The following MSRA variants were observed in gnomAD, a reference collection of about 807,000 sequenced individuals.
The protein encoded by MSRA is methionine sulfoxide reductase A, also known as mitochondrial peptide methionine sulfoxide reductase.
A neutral mutation model predicts 31.3 loss-of-function variants in MSRA; 54 were observed. The observed-to-expected ratio is 1.73, with a 90% CI of 1.39 to 2.17. The LOEUF is 2.17. Ranked by LOEUF, MSRA falls within the 30% of genes most tolerant of loss-of-function variation. The probability of loss-of-function intolerance (pLI) is 0.00; values close to 1 mark genes in which losing one functional copy is unlikely to be tolerated. For synonymous variants in MSRA, 169 were observed against 116.5 expected (o/e 1.45, Z -2.90); for missense variants, 507 against 300.9 (o/e 1.69, Z -5.07).
intron 3 of MSRA, among the ~76,000 whole-genome samples, chr8:10,258,557 T>C (rs1212721935): frequency 6.6e-6 from 1 of 152,210 alleles, no homozygotes; most frequent in Non-Finnish European, 1.5e-5. Flanking sequence ...AATAAGGCCG[T>C]GTCTGAGGAT....
At chr8:10,251,821 G>A (rs775439979) in intron 3 of MSRA, among the ~76,000 whole-genome samples, 1 of 151,018 alleles carries the variant, frequency 6.6e-6, no homozygotes, top group Non-Finnish European at 1.5e-5. Context: ...AGCAAGCTTG[G>A]CTTCTCTACC....
At chr8:10,112,751 G>C in intron 1 of MSRA, among the ~76,000 whole-genome samples, 1 of 152,116 alleles carries the variant, frequency 6.6e-6, no homozygotes, top group East Asian at 1.9e-4. Context: ...GATAGCCATG[G>C]CTTTCTGAGC....
chr8:10,293,529 C>T (rs1406917194), intron 3 of MSRA, among the ~76,000 whole-genome samples: 1 of 152,174 alleles, frequency 6.6e-6, no homozygotes, highest in African/African-American at 2.4e-5. Context: ...CTCAGTCCAG[C>T]CTCCCCCACT....
chr8:10,261,163 G>A (rs868858678), intron 3 of MSRA, among the ~76,000 whole-genome samples: 1 of 152,070 alleles, frequency 6.6e-6, no homozygotes, highest in Admixed American at 6.6e-5. Flanking sequence ...TGATGGTATT[G>A]ATTACCTTTT....
At chr8:10,178,246 A>G (rs1249506808) in intron 1 of MSRA, among the ~76,000 whole-genome samples, 3 of 152,182 alleles carry the variant, frequency 2.0e-5, no homozygotes, top group Non-Finnish European at 4.4e-5. Flanking sequence ...GATTTCGCTT[A>G]GTTTACCATA....
chr8:10,279,005 AT>A (rs1799474265), intron 3 of MSRA, among the ~76,000 whole-genome samples: 1 of 152,110 alleles, frequency 6.6e-6, no homozygotes, highest in Non-Finnish European at 1.5e-5. Context: ...TTGAAAAAAA[AT>A]TGCCCCGTGA....
intron 3 of MSRA, among the ~76,000 whole-genome samples, chr8:10,282,228 A>T (rs997907273): frequency 2.0e-5 from 3 of 152,216 alleles, no homozygotes; most frequent in Admixed American, 6.5e-5. Context: ...GTGCCTGACA[A>T]AGGTAGGATC....
intron 1 of MSRA, among the ~76,000 whole-genome samples, chr8:10,149,225 A>C (rs897658312): frequency 6.6e-6 from 1 of 151,628 alleles, no homozygotes; most frequent in South Asian, 2.1e-4. Flanking sequence ...GGGTTCAAGC[A>C]ATTCTCCTGC....
chr8:10,180,358 C>G (rs926425147), intron 1 of MSRA, among the ~76,000 whole-genome samples: 1 of 152,206 alleles, frequency 6.6e-6, no homozygotes, highest in African/African-American at 2.4e-5. Flanking sequence ...GCTACCCTCC[C>G]TCACAGCACC....
At chr8:10,397,807 C>G (rs1807193231) in intron 5 of MSRA, among the ~76,000 whole-genome samples, 2 of 152,170 alleles carry the variant, frequency 1.3e-5, no homozygotes, top group Non-Finnish European at 2.9e-5. Flanking sequence ...ATTCTGTTTT[C>G]TCATAGTCTC....
intron 1 of MSRA, among the ~76,000 whole-genome samples, chr8:10,172,431 T>G (rs956145384): frequency 6.6e-6 from 1 of 151,712 alleles, no homozygotes; most frequent in Non-Finnish European, 1.5e-5. Context: ...CCAGCTGTGG[T>G]CAGTGGAAGT....
At chr8:10,060,460 AG>A (rs1802648842) in intron 1 of MSRA, among the ~76,000 whole-genome samples, 1 of 152,184 alleles carries the variant, frequency 6.6e-6, no homozygotes, top group Admixed American at 6.5e-5. Flanking sequence ...ATGGCTGAGG[AG>A]GGGGCTGTGT....
chr8:10,149,772 C>G (rs529650109), intron 1 of MSRA, among the ~76,000 whole-genome samples: 1 of 53,316 alleles, frequency 1.9e-5, no homozygotes, highest in East Asian at 7.2e-4. Context: ...TTGGCAGAAA[C>G]CACAAAGGTG....
intron 4 of MSRA, among the ~76,000 whole-genome samples, chr8:10,305,294 G>C (rs1371365190): frequency 6.6e-6 from 1 of 152,060 alleles, no homozygotes; most frequent in East Asian, 1.9e-4. Context: ...GATCTTCATG[G>C]CATAGGCTAA....
chr8:10,322,124 A>G (rs1265128897), intron 5 of MSRA, among the ~76,000 whole-genome samples: 1 of 152,106 alleles, frequency 6.6e-6, no homozygotes, highest in Non-Finnish European at 1.5e-5. Context: ...CTCAATTCAC[A>G]TGTCATCTGT....
At chr8:10,171,387 C>G (rs1331372890) in intron 1 of MSRA, among the ~76,000 whole-genome samples, 1 of 132,328 alleles carries the variant, frequency 7.6e-6, no homozygotes, top group Non-Finnish European at 1.6e-5. Flanking sequence ...TTTTTTTTAA[C>G]AGAGCTTTAA....
At chr8:10,354,421 T>C (rs911095807) in intron 5 of MSRA, among the ~76,000 whole-genome samples, 1 of 152,212 alleles carries the variant, frequency 6.6e-6, no homozygotes, top group Admixed American at 6.5e-5. Flanking sequence ...TAAGGAGCTT[T>C]CTGGAGGAAC....
chr8:10,202,648 C>T (rs536901861), intron 1 of MSRA, among the ~76,000 whole-genome samples: 4 of 152,118 alleles, frequency 2.6e-5, no homozygotes, highest in African/African-American at 7.2e-5. Flanking sequence ...TGGGCATGGT[C>T]GTGGAGGGGA....
intron 5 of MSRA, among the ~76,000 whole-genome samples, chr8:10,388,835 G>A (rs946334363): frequency 1.4e-4 from 21 of 151,826 alleles, no homozygotes; most frequent in Admixed American, 1.3e-3. Context: ...CCTACTAGAT[G>A]CCATTAGCTT....
Sources: allele counts gnomAD v4.1 joint callset (sites outside exome capture counted in the v4.1 genomes callset), GRCh38; gene constraint gnomAD v4.1.1; transcripts MANE v1.5; gene names NCBI Gene and HGNC (gene_info 2026-07-23, HGNC 2026-07-21).